PLPPR1: variants seen among roughly 807,000 people sequenced by gnomAD.
PLPPR1 encodes phospholipid phosphatase-related protein type 1.
Under a neutral mutation model 33.1 loss-of-function variants are expected in PLPPR1, and 10 were observed. The observed-to-expected ratio is 0.30, with a 90% CI of 0.19 to 0.51. The LOEUF is 0.51. Among genes scored for constraint, PLPPR1 ranks in the 20% least tolerant of loss-of-function variants. The pLI is 0.97. For missense variants in PLPPR1, 304 were observed against 408.1 expected (o/e 0.74, Z 2.20); for synonymous variants, 151 against 151.0 (o/e 1.00, Z 0.00).
At chr9:101,268,562 C>T (rs956550749) in intron 2 of PLPPR1, among the ~76,000 whole-genome samples, 3 of 152,174 alleles carry the variant, frequency 2.0e-5, no homozygotes, top group Non-Finnish European at 4.4e-5. Flanking sequence ...TACAGCTCAG[C>T]TTTTGCTTTT....
intron 1 of PLPPR1, among the ~76,000 whole-genome samples, chr9:101,115,461 T>C (rs1402020123): frequency 6.6e-6 from 1 of 152,238 alleles, no homozygotes; most frequent in Admixed American, 6.5e-5. Context: ...TATCATACTT[T>C]TGGGATTTTA....
intron 3 of PLPPR1, among the ~76,000 whole-genome samples, chr9:101,281,041 A>C (rs185403381): frequency 8.3e-4 from 127 of 152,194 alleles, no homozygotes; most frequent in African/African-American, 2.9e-3. Flanking sequence ...ACCAAAAAAA[A>C]CCTATTAGAA....
At chr9:101,073,183 T>G (rs1830500597) in intron 1 of PLPPR1, among the ~76,000 whole-genome samples, 1 of 152,164 alleles carries the variant, frequency 6.6e-6, no homozygotes, top group African/African-American at 2.4e-5. Flanking sequence ...AACTCTAATT[T>G]TTGCTGTGTT....
At chr9:101,116,650 T>G (rs920549659) in intron 1 of PLPPR1, among the ~76,000 whole-genome samples, 3 of 151,900 alleles carry the variant, frequency 2.0e-5, no homozygotes, top group African/African-American at 7.3e-5. Flanking sequence ...CCATCTCTAC[T>G]AAAAATACAA....
At chr9:101,235,041 C>T (rs1419525900) in intron 2 of PLPPR1, among the ~76,000 whole-genome samples, 1 of 151,652 alleles carries the variant, frequency 6.6e-6, no homozygotes. Flanking sequence ...CATAATTATA[C>T]CTGACATCTA....
chr9:101,232,881 C>T, intron 2 of PLPPR1, among the ~76,000 whole-genome samples: 1 of 151,892 alleles, frequency 6.6e-6, no homozygotes, highest in African/African-American at 2.4e-5. Context: ...TTCATAGGTA[C>T]CTAAAGACTT....
intron 2 of PLPPR1, among the ~76,000 whole-genome samples, chr9:101,263,132 A>G (rs755265160): frequency 6.6e-6 from 1 of 152,196 alleles, no homozygotes; most frequent in Non-Finnish European, 1.5e-5. Context: ...CTGCACATGT[A>G]TCCCAGAACT....
chr9:101,109,288 T>C (rs1039094625), intron 1 of PLPPR1, among the ~76,000 whole-genome samples: 7 of 152,132 alleles, frequency 4.6e-5, no homozygotes, highest in African/African-American at 1.7e-4. Context: ...CTCAGTATTT[T>C]TGAAGGGTAT....
intron 1 of PLPPR1, among the ~76,000 whole-genome samples, chr9:101,161,031 G>A (rs1254638477): frequency 6.6e-6 from 1 of 152,068 alleles, no homozygotes; most frequent in African/African-American, 2.4e-5. Flanking sequence ...AAACCGCTTT[G>A]ATTTTGATAA....
intron 3 of PLPPR1, among the ~76,000 whole-genome samples, chr9:101,278,609 G>A (rs1194963563): frequency 6.6e-6 from 1 of 152,158 alleles, no homozygotes; most frequent in Non-Finnish European, 1.5e-5. Flanking sequence ...ACAGGACTTT[G>A]CCTTGGACCC....
intron 1 of PLPPR1, among the ~76,000 whole-genome samples, chr9:101,152,641 T>C (rs1466957861): frequency 6.6e-6 from 1 of 152,208 alleles, no homozygotes; most frequent in Non-Finnish European, 1.5e-5. Flanking sequence ...CCCAGCATCA[T>C]TTATTAGATA....
At chr9:101,168,486 A>T (rs573345457) in intron 1 of PLPPR1, among the ~76,000 whole-genome samples, 1 of 152,252 alleles carries the variant, frequency 6.6e-6, no homozygotes, top group Non-Finnish European at 1.5e-5. Context: ...GACCTAGCTC[A>T]ACTATCATCC....
At chr9:101,100,617 G>T (rs1022861140) in intron 1 of PLPPR1, among the ~76,000 whole-genome samples, 48 of 151,746 alleles carry the variant, frequency 3.2e-4, no homozygotes, top group Non-Finnish European at 5.4e-4. Flanking sequence ...TAGCATTTAA[G>T]AAATTTCAAG....
intron 4 of PLPPR1, among the ~76,000 whole-genome samples, chr9:101,292,548 C>T (rs1050969782): frequency 2.2e-5 from 3 of 136,724 alleles, no homozygotes; most frequent in Middle Eastern, 3.7e-3. Context: ...AGAGAATGGT[C>T]GGGTAACCCA....
chr9:101,233,055 C>T (rs1390040750), intron 2 of PLPPR1, among the ~76,000 whole-genome samples: 3 of 152,008 alleles, frequency 2.0e-5, no homozygotes, highest in South Asian at 2.1e-4. Flanking sequence ...TTGGAATATA[C>T]GTCTCATACA....
intron 2 of PLPPR1, among the ~76,000 whole-genome samples, chr9:101,220,826 C>A (rs778940804): frequency 3.9e-5 from 6 of 152,190 alleles, no homozygotes; most frequent in Non-Finnish European, 8.8e-5. Flanking sequence ...ATGTTGTTGG[C>A]TTTAGCCAAT....
At chr9:101,237,734 C>CCTATATATATATATACATATAGG (rs1330698324) in intron 2 of PLPPR1, among the ~76,000 whole-genome samples, 2 of 106,196 alleles carry the variant, frequency 1.9e-5, no homozygotes, top group Admixed American at 9.7e-5. Context: ...GTGTATATAG[C>CCTATATATATATATACATATAGG]CTATATATAT....
At chr9:101,244,477 T>G (rs1827545539) in intron 2 of PLPPR1, among the ~76,000 whole-genome samples, 1 of 151,828 alleles carries the variant, frequency 6.6e-6, no homozygotes, top group South Asian at 2.1e-4. Flanking sequence ...ACATCTACGC[T>G]CTCTCATCAT....
chr9:101,186,189 T>C lies in PLPPR1; in HGVS notation c.63+632T>C, dbSNP rs529125681. Among the ~76,000 whole-genome samples, 6 of 151,992 alleles carry C rather than the reference T, an allele frequency of 3.9e-5. No individual in the cohort carries two copies. In the South Asian group the frequency reaches 1.0e-3, roughly 26 times the overall value. On this transcript the variant is annotated intron_variant, in intron 2 of 7. Transcript: ENST00000374874. ...ACTCTACCTCTGTTTCTATGTTTGC[T>C]ATAGAGGAGACAAAGACATGAATTT...
Sources: allele counts gnomAD v4.1 joint callset (sites outside exome capture counted in the v4.1 genomes callset), GRCh38; gene constraint gnomAD v4.1.1; transcripts MANE v1.5; gene names NCBI Gene and HGNC (gene_info 2026-07-23, HGNC 2026-07-21).